Variants in SLCO2A1 observed in about 807,000 individuals in gnomAD.
SLCO2A1 encodes the protein solute carrier organic anion transporter family member 2A1.
In SLCO2A1, 60 loss-of-function variants were observed where a neutral mutation model predicts 71.7. The ratio of observed to expected loss-of-function variants is 0.84; its 90% confidence interval spans 0.68 to 1.04. The LOEUF is 1.04. SLCO2A1 is among the 50% of genes least tolerant of loss of function. The pLI is 0.00. For synonymous variants in SLCO2A1, 308 were observed against 326.7 expected (o/e 0.94, Z 0.62); for missense variants, 745 against 813.4 (o/e 0.92, Z 1.02).
intron 3 of SLCO2A1, among the ~76,000 whole-genome samples, chr3:133,965,154 C>A (rs1165296438): frequency 6.6e-6 from 1 of 152,210 alleles, no homozygotes; most frequent in Non-Finnish European, 1.5e-5. Flanking sequence ...GCGGAGCCAA[C>A]ATGAGCTCAT....
intron 3 of SLCO2A1, among the ~76,000 whole-genome samples, chr3:133,970,218 C>T (rs1316200507): frequency 6.6e-6 from 1 of 152,220 alleles, no homozygotes; most frequent in Non-Finnish European, 1.5e-5. Context: ...AGCCACCAGG[C>T]TAAATTCTGA....
intron 3 of SLCO2A1, among the ~76,000 whole-genome samples, chr3:133,972,012 C>A (rs1277660052): frequency 6.6e-6 from 1 of 152,022 alleles, no homozygotes; most frequent in Non-Finnish European, 1.5e-5. Flanking sequence ...CCACCATGAA[C>A]AAGAGCAAGC....
At position 133,934,533 on chromosome 3, in the gene SLCO2A1, C is replaced by T. The variant is rs1475960509; in HGVS notation, c.*180G>A. 2 of 535,484 alleles carry T rather than the reference C, an allele frequency of 3.7e-6. No homozygotes were observed. Among genetic ancestry groups the T allele is most frequent in the Non-Finnish European group, 6.7e-6 (2 of 297,946 alleles). 33.2% of individuals were successfully genotyped at this position (535,484 alleles called of 1,614,324 possible). A position where few individuals can be genotyped will look rare whatever the true frequency, so the allele number is the denominator to read the frequency against. On this transcript the variant is annotated 3_prime_UTR_variant, in exon 14 of 14. Coordinates refer to ENST00000310926, the MANE Select transcript of SLCO2A1 (RefSeq NM_005630.3). Reference sequence around the variant, plus strand: ...CCCACACAGCCCGGGTACACAGTGGCCCTTAGGAACTGTGGGGAGGACTCT... The same window carrying T: ...CCCACACAGCCCGGGTACACAGTGGTCCTTAGGAACTGTGGGGAGGACTCT...
chr3:133,971,456 T>TG (rs1308199949), intron 3 of SLCO2A1, among the ~76,000 whole-genome samples: 1 of 152,154 alleles, frequency 6.6e-6, no homozygotes, highest in East Asian at 1.9e-4. Flanking sequence ...TATAAAAAGG[T>TG]GGGGGAAAGA....
At chr3:133,984,462 G>A (rs991350959) in intron 1 of SLCO2A1, among the ~76,000 whole-genome samples, 1 of 152,168 alleles carries the variant, frequency 6.6e-6, no homozygotes, top group East Asian at 1.9e-4. Context: ...TGGCTGCAAG[G>A]TAGAAAAGGC....
intron 11 of SLCO2A1, 39 bp from the exon 12 acceptor site, chr3:133,938,532 A>C: frequency 6.3e-7 from 1 of 1,598,424 alleles, no homozygotes; most frequent in Non-Finnish European, 8.6e-7. Flanking sequence ...GGGAGGATTC[A>C]GGGCTGCACG....
intron 3 of SLCO2A1, among the ~76,000 whole-genome samples, chr3:133,955,599 G>A (rs188178476): frequency 8.1e-4 from 123 of 152,268 alleles, no homozygotes; most frequent in Middle Eastern, 3.4e-3. Flanking sequence ...GCCCAGGCCC[G>A]TCGGCCTCCA....
At chr3:134,020,429 G>A (rs1298556191) in intron 1 of SLCO2A1, among the ~76,000 whole-genome samples, 1 of 152,188 alleles carries the variant, frequency 6.6e-6, no homozygotes. Context: ...ACATCTCGGC[G>A]GGGGACTCCA....
intron 1 of SLCO2A1, among the ~76,000 whole-genome samples, chr3:133,999,000 C>G (rs137922839): frequency 1.2e-4 from 18 of 152,338 alleles, no homozygotes; most frequent in African/African-American, 4.3e-4. Context: ...TCTCTTGCCC[C>G]CTCTCTGGCC....
At chr3:133,986,632 C>G (rs765356198) in intron 1 of SLCO2A1, among the ~76,000 whole-genome samples, 1 of 152,130 alleles carries the variant, frequency 6.6e-6, no homozygotes, top group African/African-American at 2.4e-5. Context: ...GGAGTGGCCA[C>G]GAAGTTCTTT....
At chr3:133,955,691 G>C (rs1428571898) in intron 3 of SLCO2A1, among the ~76,000 whole-genome samples, 3 of 152,170 alleles carry the variant, frequency 2.0e-5, no homozygotes, top group Non-Finnish European at 4.4e-5. Context: ...CACCGGGTTG[G>C]TGTCACCTAC....
chr3:133,972,517 A>C (rs1435539504), intron 3 of SLCO2A1, among the ~76,000 whole-genome samples: 1 of 152,244 alleles, frequency 6.6e-6, no homozygotes, highest in Non-Finnish European at 1.5e-5. Context: ...TAATTTTCAA[A>C]AGAAATAGCA....
At chr3:134,017,856 G>C (rs2108077698) in intron 1 of SLCO2A1, among the ~76,000 whole-genome samples, 1 of 150,634 alleles carries the variant, frequency 6.6e-6, no homozygotes, top group East Asian at 1.9e-4. Context: ...AGAAGGCAAA[G>C]GGAAGCCACG....
intron 1 of SLCO2A1, among the ~76,000 whole-genome samples, chr3:133,993,333 T>C (rs1367625397): frequency 6.6e-6 from 1 of 152,204 alleles, no homozygotes; most frequent in Non-Finnish European, 1.5e-5. Context: ...TTTCTAATGG[T>C]GCCCTGTTCA....
chr3:134,008,761 G>A (rs1007470303), intron 1 of SLCO2A1, among the ~76,000 whole-genome samples: 2 of 152,222 alleles, frequency 1.3e-5, no homozygotes, highest in Non-Finnish European at 2.9e-5. Flanking sequence ...CACCAGAAGA[G>A]CAGAGAGAGC....
intron 3 of SLCO2A1, among the ~76,000 whole-genome samples, chr3:133,970,474 A>G (rs1382495239): frequency 6.6e-6 from 1 of 152,234 alleles, no homozygotes; most frequent in East Asian, 1.9e-4. Flanking sequence ...AAATTTCCAT[A>G]AGAATACATT....
intron 1 of SLCO2A1, among the ~76,000 whole-genome samples, chr3:134,004,420 C>T (rs1458323742): frequency 1.3e-5 from 2 of 152,170 alleles, no homozygotes; most frequent in African/African-American, 4.8e-5. Context: ...CTGCAACCTC[C>T]GCCTCGCAGG....
At chr3:133,949,986 C>T (rs1933696702) in intron 6 of SLCO2A1, among the ~76,000 whole-genome samples, 1 of 152,042 alleles carries the variant, frequency 6.6e-6, no homozygotes, top group Admixed American at 6.5e-5. Context: ...CAACACCATG[C>T]TGAGCTAAGT....
intron 1 of SLCO2A1, among the ~76,000 whole-genome samples, chr3:133,989,346 G>T (rs1490713757): frequency 6.6e-6 from 1 of 152,046 alleles, no homozygotes; most frequent in Non-Finnish European, 1.5e-5. Flanking sequence ...TCTGCATTTT[G>T]TTCAGTTCTT....
Sources: allele counts gnomAD v4.1 joint callset (sites outside exome capture counted in the v4.1 genomes callset), GRCh38; gene constraint gnomAD v4.1.1; transcripts MANE v1.5; gene names NCBI Gene and HGNC (gene_info 2026-07-23, HGNC 2026-07-21).